Variants in OR51B5 observed in about 807,000 individuals in gnomAD.
OR51B5 encodes the protein olfactory receptor 51B5.
For synonymous variants in OR51B5, 186 were observed against 144.8 expected (o/e 1.28, Z -2.04); for missense variants, 456 against 374.6 (o/e 1.22, Z -1.79).
chr11:5,408,597 TG>T (rs1850097927), intron 1 of OR51B5, among the ~76,000 whole-genome samples: 1 of 152,144 alleles, frequency 6.6e-6, no homozygotes, highest in African/African-American at 2.4e-5. Flanking sequence ...TAAAGTTTGG[TG>T]TTCTTTTGTT....
intron 1 of OR51B5, among the ~76,000 whole-genome samples, chr11:5,465,572 A>G (rs1423052684): frequency 6.7e-6 from 1 of 149,200 alleles, no homozygotes; most frequent in African/African-American, 2.5e-5. Context: ...ACAAGGCTAC[A>G]GTAACCAAAA....
chr11:5,438,054 G>A (rs191100587), intron 1 of OR51B5, among the ~76,000 whole-genome samples: 6 of 152,202 alleles, frequency 3.9e-5, no homozygotes, highest in East Asian at 1.9e-4. Flanking sequence ...AAAATTATGC[G>A]TTGGGAACCA....
At chr11:5,422,506 G>C in intron 1 of OR51B5, 1 of 1,614,142 alleles carries the variant, frequency 6.2e-7, no homozygotes, top group Non-Finnish European at 8.5e-7. Flanking sequence ...GTTTTGCTCA[G>C]TTTTTCTTCC....
In OR51B5 at chr11:5,492,233, A is replaced by AAC. The variant is rs528322904; in HGVS notation, n.84+13334_84+13335dup. On this transcript the variant is annotated intron_variant and non_coding_transcript_variant, in intron 1 of 4. Coordinates refer to the OR51B5 transcript ENST00000415970. Reference sequence around the variant, plus strand: ...CCAAGTCTGTCTCTCTCACAAAATAAACACACACACACACTCACTCACACA... The same window carrying AAC: ...CCAAGTCTGTCTCTCTCACAAAATAAACACACACACACACACTCACTCACACA... Among the ~76,000 whole-genome samples the AAC allele has an allele frequency of 7.2e-3, 1,099 of 151,900 alleles. 13 individuals are homozygous for AAC. The highest frequency in any genetic ancestry group is 0.025 in the African/African-American group (1,053 of 41,436).
At chr11:5,423,285 A>G (rs1173355949) in intron 1 of OR51B5, 10 of 1,243,790 alleles carry the variant, frequency 8.0e-6, no homozygotes, top group Non-Finnish European at 1.1e-5. Flanking sequence ...CCTGGCTTTT[A>G]GCATGGAATT....
intron 1 of OR51B5, among the ~76,000 whole-genome samples, chr11:5,477,030 T>C (rs1241680019): frequency 6.6e-6 from 1 of 152,198 alleles, no homozygotes; most frequent in African/African-American, 2.4e-5. Context: ...TTGTATATTT[T>C]AAAATGTGCC....
intron 1 of OR51B5, among the ~76,000 whole-genome samples, chr11:5,435,802 G>A (rs1164590530): frequency 1.3e-5 from 2 of 152,120 alleles, no homozygotes; most frequent in Non-Finnish European, 2.9e-5. Flanking sequence ...CAAATCTGTA[G>A]TTTTTTCTAA....
chr11:5,452,567 A>C (rs191883423), intron 1 of OR51B5, among the ~76,000 whole-genome samples: 2 of 145,564 alleles, frequency 1.4e-5, no homozygotes, highest in Non-Finnish European at 3.0e-5. Flanking sequence ...GTTTGAATAT[A>C]TTTGCACAAC....
intron 1 of OR51B5, among the ~76,000 whole-genome samples, chr11:5,400,421 GC>G (rs1849948537): frequency 1.3e-5 from 2 of 151,418 alleles, no homozygotes; most frequent in African/African-American, 4.8e-5. Context: ...CATATTATAT[GC>G]CCACTGCCAC....
At chr11:5,379,245 G>A (rs1052741678) in intron 1 of OR51B5, among the ~76,000 whole-genome samples, 3 of 152,000 alleles carry the variant, frequency 2.0e-5, no homozygotes, top group Non-Finnish European at 4.4e-5. Flanking sequence ...CTCACTCATA[G>A]ATGGGAACTG....
chr11:5,400,865 G>A (rs1298333220), intron 1 of OR51B5, among the ~76,000 whole-genome samples: 1 of 152,214 alleles, frequency 6.6e-6, no homozygotes, highest in East Asian at 1.9e-4. Flanking sequence ...TTACGGAATA[G>A]TGAGGTCCCT....
At chr11:5,444,888 T>A (rs1402447376) in intron 1 of OR51B5, among the ~76,000 whole-genome samples, 2 of 152,200 alleles carry the variant, frequency 1.3e-5, no homozygotes, top group Non-Finnish European at 2.9e-5. Context: ...TTAATCCTTC[T>A]TTGATCAGGG....
chr11:5,461,337 C>T (rs567517032), intron 1 of OR51B5, among the ~76,000 whole-genome samples: 8 of 152,244 alleles, frequency 5.3e-5, no homozygotes, highest in African/African-American at 1.7e-4. Context: ...AAAAGTGTTC[C>T]GAGGGCGGGG....
At chr11:5,438,653 T>C (rs1850626064) in intron 1 of OR51B5, among the ~76,000 whole-genome samples, 1 of 152,130 alleles carries the variant, frequency 6.6e-6, no homozygotes, top group Non-Finnish European at 1.5e-5. Flanking sequence ...AGGGCATAAG[T>C]CAAGAAAAAC....
chr11:5,403,388 C>T (rs936886249), intron 1 of OR51B5: 3 of 471,230 alleles, frequency 6.4e-6, no homozygotes, highest in African/African-American at 2.0e-5. Context: ...CTATAGTGCA[C>T]CGCCTTGGAC....
chr11:5,375,387 A>T (rs4590905), intron 1 of OR51B5, among the ~76,000 whole-genome samples: 10,240 of 140,888 alleles, frequency 0.073, 523 homozygotes, highest in Non-Finnish European at 0.095. Flanking sequence ...TCAGGCCAAA[A>T]TGTGAAGACC....
intron 1 of OR51B5, chr11:5,489,701 G>T: frequency 7.5e-7 from 1 of 1,337,946 alleles, no homozygotes; most frequent in South Asian, 1.2e-5. Flanking sequence ...AAAAAGTGTA[G>T]GATGGCTGTC....
chr11:5,481,812 CT>C (rs1170833244), intron 1 of OR51B5, among the ~76,000 whole-genome samples: 1 of 136,690 alleles, frequency 7.3e-6, no homozygotes, highest in African/African-American at 3.1e-5. Flanking sequence ...TGTGAAGGAC[CT>C]CTTCAAGGAG....
intron 1 of OR51B5, chr11:5,351,995 G>C: frequency 6.2e-7 from 1 of 1,613,524 alleles, no homozygotes; most frequent in Non-Finnish European, 8.5e-7. Flanking sequence ...CGCCTACACT[G>C]GTTTCCCTAC....
Sources: gnomAD v4.1 joint callset for allele counts (sites outside exome capture counted in the v4.1 genomes callset) on GRCh38, gnomAD v4.1.1 for gene constraint, MANE v1.5 for transcripts, NCBI Gene and HGNC (gene_info 2026-07-23, HGNC 2026-07-21) for gene names.